ARHGAP18: variants seen among roughly 807,000 people sequenced by gnomAD.
ARHGAP18 encodes the protein rho GTPase-activating protein 18.
In ARHGAP18, 67 loss-of-function variants were observed where a neutral mutation model predicts 86.2. The observed-to-expected ratio is 0.78, with a 90% CI of 0.64 to 0.95. The LOEUF (loss-of-function observed/expected upper bound fraction) is 0.95, where lower values mean the gene tolerates loss of function less well. Among genes scored for constraint, ARHGAP18 ranks in the 40% least tolerant of loss-of-function variants. ARHGAP18 has a pLI of 0.00. For synonymous variants in ARHGAP18, 283 were observed against 280.4 expected (o/e 1.01, Z -0.09); for missense variants, 691 against 780.4 (o/e 0.89, Z 1.37).
intron 1 of ARHGAP18, among the ~76,000 whole-genome samples, chr6:129,653,701 G>A (rs12192896): frequency 0.14 from 21,352 of 152,092 alleles, 1,631 homozygotes; most frequent in African/African-American, 0.2. Flanking sequence ...CTGAGCCCAT[G>A]ACAGATGTGA....
chr6:129,604,619 T>A (rs900040720), intron 10 of ARHGAP18, among the ~76,000 whole-genome samples: 1 of 149,888 alleles, frequency 6.7e-6, no homozygotes, highest in African/African-American at 2.5e-5. Context: ...TGTCCCTGTC[T>A]CAGCCACAAT....
chr6:129,607,384 C>A (rs1788875841), intron 9 of ARHGAP18, among the ~76,000 whole-genome samples: 1 of 152,160 alleles, frequency 6.6e-6, no homozygotes, highest in Non-Finnish European at 1.5e-5. Context: ...TAAGAAGCAG[C>A]TTGTGACCTT....
chr6:129,611,370 G>A (rs183223907), intron 8 of ARHGAP18, among the ~76,000 whole-genome samples, 163 bp downstream of exon 8: 3 of 152,252 alleles, frequency 2.0e-5, no homozygotes, highest in African/African-American at 7.2e-5. Flanking sequence ...AAAACCAGAA[G>A]GGACTGTAGA....
chr6:129,683,041 G>A (rs892430837), intron 1 of ARHGAP18, among the ~76,000 whole-genome samples: 6 of 147,078 alleles, frequency 4.1e-5, no homozygotes, highest in African/African-American at 1.5e-4. Context: ...AGTGAGAAAT[G>A]TGTTTTGTTT....
At chr6:129,683,055 C>CTTTTTTTTTTTTTTTTTTTTTTTTT (rs199633610) in intron 1 of ARHGAP18, among the ~76,000 whole-genome samples, 1 of 139,090 alleles carries the variant, frequency 7.2e-6, no homozygotes. Context: ...TTTGTTTTTT[C>CTTTTTTTTTTTTTTTTTTTTTTTTT]TTTTTTTTTT....
intron 12 of ARHGAP18, among the ~76,000 whole-genome samples, chr6:129,584,846 C>A (rs773553149): frequency 6.6e-6 from 1 of 152,046 alleles, no homozygotes; most frequent in African/African-American, 2.4e-5. Flanking sequence ...ATAAACAGCA[C>A]GCACAAATCA....
At chr6:129,579,230 A>G (rs920204373) in intron 14 of ARHGAP18, among the ~76,000 whole-genome samples, 18 of 152,266 alleles carry the variant, frequency 1.2e-4, no homozygotes, top group African/African-American at 3.8e-4. Context: ...ATCTAAAAGG[A>G]AAATAAGAAA....
intron 1 of ARHGAP18, among the ~76,000 whole-genome samples, chr6:129,644,600 A>AC (rs1006671557): frequency 6.6e-6 from 1 of 151,958 alleles, no homozygotes. Flanking sequence ...TTTAACTCTT[A>AC]CCCCCCTGTG....
At chr6:129,588,236 T>C (rs1584024353) in intron 12 of ARHGAP18, among the ~76,000 whole-genome samples, 1 of 151,800 alleles carries the variant, frequency 6.6e-6, no homozygotes, top group Non-Finnish European at 1.5e-5. Context: ...TCCTGCCTCA[T>C]CCTCCCGAGT....
intron 5 of ARHGAP18, among the ~76,000 whole-genome samples, chr6:129,625,397 A>AT (rs1562697244): frequency 1.8e-5 from 1 of 55,278 alleles, no homozygotes; most frequent in African/African-American, 1.2e-4. Context: ...ATATTTATAC[A>AT]TATGTATTAT....
Position 129,624,440 on chromosome 6 carries a change from G to A in ARHGAP18, c.786+4913C>T, listed in dbSNP as rs374998995. Among the ~76,000 whole-genome samples the A allele has an allele frequency of 2.3e-4, 35 of 152,204 alleles. 1 individual carries two copies. The South Asian group carries it at 7.0e-3, about 31-fold the overall frequency. ...TGCTACTCGGGAGGCTGAGGCAGGA[G>A]ACTCACTTAAACCCAGGAGGTGGAG... On this transcript the variant is annotated intron_variant, in intron 5 of 14. Coordinates refer to ENST00000368149, the MANE Select transcript of ARHGAP18 (RefSeq NM_033515.3).
At chr6:129,600,528 T>C in intron 11 of ARHGAP18, 114 bp downstream of exon 11, 2 of 823,484 alleles carry the variant, frequency 2.4e-6, no homozygotes, top group Admixed American at 2.9e-5. Context: ...ATGAATAAAA[T>C]GTTTTTAATA....
rs1211533789 is a variant in ARHGAP18, at chr6:129,676,130, A to C, written c.113+33894T>G. On this transcript the variant is annotated intron_variant, in intron 1 of 14. Transcript: ENST00000368149. The stretch of plus-strand genomic sequence containing the variant: ...AGAAGAGGCTACTGAATGGTAAGAA[A>C]GGTGGGAGAGAATGAGGAGAGCTGC... Among the ~76,000 whole-genome samples the C allele has an allele frequency of 3.9e-5, 6 of 152,218 alleles. 1 individual carries two copies. The highest frequency in any genetic ancestry group is 6.5e-5 in the Admixed American group (1 of 15,282).
intron 11 of ARHGAP18, among the ~76,000 whole-genome samples, chr6:129,599,902 A>G (rs562014643): frequency 1.2e-4 from 18 of 152,340 alleles, no homozygotes; most frequent in African/African-American, 4.3e-4. Context: ...TAACCATGAA[A>G]TAATTTTGAC....
At chr6:129,687,873 TG>T (rs758000411) in intron 1 of ARHGAP18, among the ~76,000 whole-genome samples, 13 of 152,212 alleles carry the variant, frequency 8.5e-5, no homozygotes, top group Non-Finnish European at 1.3e-4. Flanking sequence ...AGAGATGTTT[TG>T]TAACTCACCC....
chr6:129,673,304 CA>C (rs1361414904), intron 1 of ARHGAP18, among the ~76,000 whole-genome samples: 1 of 143,348 alleles, frequency 7.0e-6, no homozygotes, highest in Non-Finnish European at 1.5e-5. Flanking sequence ...TTTTTTTCCC[CA>C]AGTCAAAAGC....
chr6:129,676,912 CCTCT>C lies in ARHGAP18; in HGVS notation c.113+33108_113+33111del, dbSNP rs1318428497. Among the ~76,000 whole-genome samples, 650 of 103,814 alleles carry C rather than the reference CCTCT, an allele frequency of 6.3e-3. 22 individuals carry two copies. Among genetic ancestry groups the C allele is most frequent in the African/African-American group, 0.026 (598 of 22,796 alleles). 68.1% of individuals were successfully genotyped at this position (103,814 alleles called of 152,430 possible). On this transcript the variant is annotated intron_variant, in intron 1 of 14. Coordinates refer to ENST00000368149, the MANE Select transcript of ARHGAP18 (RefSeq NM_033515.3). ...TGAAAACAGATGAAAAATTTTTTGT[CCTCT>C]TTTTTTTTTTTTTTTTTTTTTTTTT...
intron 5 of ARHGAP18, among the ~76,000 whole-genome samples, chr6:129,625,928 ATATAT>A (rs1232233973): frequency 2.0e-5 from 2 of 99,800 alleles, no homozygotes; most frequent in East Asian, 2.3e-4. Context: ...ATAGATATTT[ATATAT>A]TATATATTAT....
intron 5 of ARHGAP18, among the ~76,000 whole-genome samples, chr6:129,625,512 T>C (rs1158639345): frequency 2.3e-5 from 1 of 43,008 alleles, no homozygotes; most frequent in Non-Finnish European, 4.0e-5. Context: ...ATTTTATATA[T>C]CATATATATT....
Sources: allele counts gnomAD v4.1 joint callset (sites outside exome capture counted in the v4.1 genomes callset), GRCh38; gene constraint gnomAD v4.1.1; transcripts MANE v1.5; gene names NCBI Gene and HGNC (gene_info 2026-07-23, HGNC 2026-07-21).